Variants in CFAP299 observed in about 807,000 individuals in gnomAD.
CFAP299 encodes the protein cilia and flagella associated protein 299, also known as cilia- and flagella-associated protein 299.
CFAP299 carries 21 observed loss-of-function variants against 27.0 expected under a neutral mutation model. The ratio of observed to expected loss-of-function variants is 0.78; its 90% CI spans 0.55 to 1.12. The LOEUF is 1.12. CFAP299 is among the 50% of genes most tolerant of loss of function. The pLI, the probability that CFAP299 is intolerant of heterozygous loss-of-function variation, is 0.00. For missense variants in CFAP299, 310 were observed against 276.6 expected (o/e 1.12, Z -0.86); for synonymous variants, 104 against 98.1 (o/e 1.06, Z -0.36).
chr4:80,410,589 C>A (rs1367374503), intron 2 of CFAP299, among the ~76,000 whole-genome samples: 40 of 152,170 alleles, frequency 2.6e-4, no homozygotes, highest in Non-Finnish European at 4.4e-5. Flanking sequence ...GAAAATGTTT[C>A]TTACCCGTCC....
chr4:80,897,289 A>G (rs4358394), intron 4 of CFAP299, among the ~76,000 whole-genome samples: 3,328 of 152,284 alleles, frequency 0.022, 64 homozygotes, highest in South Asian at 0.08. Context: ...GTAATTATAT[A>G]TTAGGCATCT....
chr4:80,638,124 A>C (rs1455246466), intron 3 of CFAP299, among the ~76,000 whole-genome samples: 1 of 152,196 alleles, frequency 6.6e-6, no homozygotes, highest in African/African-American at 2.4e-5. Context: ...GAGACTCAGA[A>C]AGCCTCATTG....
At chr4:80,459,056 C>G (rs188816131) in intron 2 of CFAP299, among the ~76,000 whole-genome samples, 1 of 152,130 alleles carries the variant, frequency 6.6e-6, no homozygotes, top group Non-Finnish European at 1.5e-5. Context: ...TCACAGCTCA[C>G]TGCAACCTCA....
chr4:80,717,914 T>A (rs1722582663), intron 3 of CFAP299, among the ~76,000 whole-genome samples: 1 of 152,186 alleles, frequency 6.6e-6, no homozygotes. Context: ...TATTGGTGAC[T>A]GTAATTTTAC....
At chr4:80,558,766 G>T (rs1219252939) in intron 2 of CFAP299, among the ~76,000 whole-genome samples, 1 of 151,628 alleles carries the variant, frequency 6.6e-6, no homozygotes, top group Admixed American at 6.6e-5. Flanking sequence ...TATCTAAAAA[G>T]GTATCTGCAG....
chr4:80,809,285 G>C (rs1012631142), intron 3 of CFAP299, among the ~76,000 whole-genome samples: 4 of 152,104 alleles, frequency 2.6e-5, no homozygotes, highest in African/African-American at 9.7e-5. Flanking sequence ...TGATTTTGTT[G>C]ATAGCGTATT....
At chr4:80,945,856 T>TA (rs1398170646) in intron 5 of CFAP299, among the ~76,000 whole-genome samples, 1 of 151,932 alleles carries the variant, frequency 6.6e-6, no homozygotes, top group Admixed American at 6.6e-5. Flanking sequence ...TCCTTGCACA[T>TA]AAAAAATGCT....
chr4:80,380,106 A>AT (rs1254587337), intron 2 of CFAP299, among the ~76,000 whole-genome samples: 4 of 152,090 alleles, frequency 2.6e-5, no homozygotes, highest in Non-Finnish European at 5.9e-5. Flanking sequence ...ATGCTTCATG[A>AT]TTTTTTATTT....
chr4:80,363,122 C>T (rs1723636682), intron 2 of CFAP299, among the ~76,000 whole-genome samples: 1 of 152,112 alleles, frequency 6.6e-6, no homozygotes, highest in Non-Finnish European at 1.5e-5. Context: ...GGTCATCATA[C>T]CAATAAAGTC....
intron 2 of CFAP299, among the ~76,000 whole-genome samples, chr4:80,526,418 C>T (rs1488970842): frequency 6.6e-6 from 1 of 152,090 alleles, no homozygotes; most frequent in Non-Finnish European, 1.5e-5. Flanking sequence ...TTTACTAATA[C>T]ATACTAAATC....
intron 3 of CFAP299, among the ~76,000 whole-genome samples, chr4:80,637,278 ATT>A (rs1228829688): frequency 6.6e-6 from 1 of 152,192 alleles, no homozygotes; most frequent in Non-Finnish European, 1.5e-5. Flanking sequence ...AAAATATGCC[ATT>A]GTCAGCAAGG....
At chr4:80,799,934 AT>A (rs1459037168) in intron 3 of CFAP299, among the ~76,000 whole-genome samples, 10 of 46,462 alleles carry the variant, frequency 2.2e-4, no homozygotes, top group African/African-American at 9.1e-4. Context: ...ATATTTATAT[AT>A]TATATTATAT....
chr4:80,688,382 C>T (rs1720380713), intron 3 of CFAP299, among the ~76,000 whole-genome samples: 1 of 146,328 alleles, frequency 6.8e-6, no homozygotes, highest in Admixed American at 6.9e-5. Flanking sequence ...GTCCCTGACC[C>T]CTGACCCATG....
In CFAP299 at chr4:80,799,677, A is replaced by G. The variant is rs1482956770; in HGVS notation, c.334-70316A>G. 1.0e-4 allele frequency among the ~76,000 whole-genome samples: 4 copies of G among 39,162 alleles called. 1 individual carries two copies. Among genetic ancestry groups the G allele is most frequent in the African/African-American group, 3.7e-4 (3 of 8,020 alleles). The allele number at this position is 39,162 out of a possible 152,430, so 25.7% of individuals were successfully genotyped here. On this transcript the variant is annotated intron_variant, in intron 3 of 5. Coordinates refer to ENST00000358105, the MANE Select transcript of CFAP299 (RefSeq NM_152770.3). ...TATATATTATATTTTATAAATATAT[A>G]TTTATAAATATATAATATATAAAAT... is the stretch of plus-strand genomic sequence containing the variant.
At chr4:80,549,274 CAT>C (rs1396297554) in intron 2 of CFAP299, among the ~76,000 whole-genome samples, 1 of 151,876 alleles carries the variant, frequency 6.6e-6, no homozygotes, top group Non-Finnish European at 1.5e-5. Context: ...TTATAATAAA[CAT>C]AAATGATGAT....
At chr4:80,810,650 T>A (rs1729103162) in intron 3 of CFAP299, among the ~76,000 whole-genome samples, 1 of 151,934 alleles carries the variant, frequency 6.6e-6, no homozygotes, top group Admixed American at 6.6e-5. Flanking sequence ...GGGAACAGTT[T>A]TTTACTTAGA....
chr4:80,801,030 G>A lies in CFAP299; in HGVS notation c.334-68963G>A, dbSNP rs546426471. ...GGCTGCCCTGACAGCTGATTAGATT[G>A]TGCCCACCCAGATTAAGGGTGAGTC... On this transcript the variant is annotated intron_variant, in intron 3 of 5. Transcript: ENST00000358105. 3.3e-5 allele frequency among the ~76,000 whole-genome samples: 5 copies of A among 151,398 alleles called. No individual in the cohort carries two copies. The East Asian group carries it at 9.7e-4, about 29-fold the overall frequency.
chr4:80,575,665 C>T (rs925232340), intron 2 of CFAP299, among the ~76,000 whole-genome samples: 1 of 145,514 alleles, frequency 6.9e-6, no homozygotes, highest in Admixed American at 7.2e-5. Context: ...TTATTAATTT[C>T]TTATACCAAT....
At chr4:80,652,867 C>T (rs556705868) in intron 3 of CFAP299, among the ~76,000 whole-genome samples, 3 of 152,242 alleles carry the variant, frequency 2.0e-5, no homozygotes, top group South Asian at 2.1e-4. Context: ...AAATCCGACT[C>T]GCCTCCAATG....
Sources: allele counts gnomAD v4.1 joint callset (sites outside exome capture counted in the v4.1 genomes callset), GRCh38; gene constraint gnomAD v4.1.1; transcripts MANE v1.5; gene names NCBI Gene and HGNC (gene_info 2026-07-23, HGNC 2026-07-21).